CLEC2A: variants seen among roughly 807,000 people sequenced by gnomAD.
CLEC2A encodes keratinocyte-associated C-type lectin.
In CLEC2A, 19 loss-of-function variants were observed where a neutral mutation model predicts 18.6. The observed-to-expected ratio is 1.02, with a 90% CI of 0.71 to 1.50. CLEC2A has a LOEUF of 1.50. Among genes scored for constraint, CLEC2A ranks in the 40% most tolerant of loss-of-function variants. CLEC2A has a pLI of 0.00. For missense variants in CLEC2A, 190 were observed against 207.9 expected, an observed-to-expected ratio of 0.91 and a Z score of 0.53; for synonymous variants, 74 against 64.0, an observed-to-expected ratio of 1.16 and a Z score of -0.75.
chr12:9,927,107 G>A (rs1328631755), intron 1 of CLEC2A, among the ~76,000 whole-genome samples: 1 of 151,988 alleles, frequency 6.6e-6, no homozygotes, highest in Non-Finnish European at 1.5e-5. Context: ...TGTGCCTTTA[G>A]GTGATTGTGT....
chr12:9,884,972 A>G, the CLEC2A span: 2 of 1,340,398 alleles, frequency 1.5e-6, no homozygotes, highest in Non-Finnish European at 1.9e-6. Context: ...TCTTCTGCTC[A>G]TATTTGGATG....
intron 4 of CLEC2A, among the ~76,000 whole-genome samples, chr12:9,903,360 A>G (rs1323548098): frequency 1.3e-5 from 2 of 152,188 alleles, no homozygotes; most frequent in Admixed American, 6.5e-5. Context: ...ATATCCTACA[A>G]GAATAAGCAC....
rs185328173 is a variant in CLEC2A, at chr12:9,929,611, C to A, written c.55+2664G>T. Among the ~76,000 whole-genome samples the A allele has an allele frequency of 2.5e-3, 375 of 152,078 alleles. 3 individuals are homozygous for A. The highest frequency in any genetic ancestry group is 8.7e-3 in the African/African-American group (361 of 41,504). Reference sequence around the variant, plus strand: ...ATATCTAAGCATTCCTAACATAAATCCACTTGTATATGAATTTTTAACTGC... The same window carrying A: ...ATATCTAAGCATTCCTAACATAAATACACTTGTATATGAATTTTTAACTGC... On this transcript the variant is annotated intron_variant, in intron 1 of 4. Coordinates refer to ENST00000455827, the MANE Select transcript of CLEC2A (RefSeq NM_001130711.2).
the CLEC2A span, among the ~76,000 whole-genome samples, chr12:9,887,703 C>T: frequency 2.7e-5 from 4 of 149,790 alleles, no homozygotes; most frequent in Non-Finnish European, 4.4e-5. Flanking sequence ...GCTGAAGGAA[C>T]TTGATGATAT....
In CLEC2A at chr12:9,913,551, C is replaced by G; in HGVS notation, c.*15G>C. On this transcript the variant is annotated 3_prime_UTR_variant, in exon 5 of 5. Transcript: ENST00000455827. ...AATCTTGAAGTGTGATAATCATTTT[C>G]AAGTTTTTTCTGCTCTATAAAAAAT... 6.5e-7 allele frequency: 1 copy of G among 1,533,732 alleles called. No individual in the cohort carries two copies. Among genetic ancestry groups the G allele is most frequent in the Non-Finnish European group, 8.8e-7 (1 of 1,142,736 alleles).
the CLEC2A span, chr12:9,885,050 AT>A: frequency 1.0e-6 from 1 of 959,202 alleles, no homozygotes. Flanking sequence ...GTAAATTTTT[AT>A]TTATTTGAAC....
intron 4 of CLEC2A, among the ~76,000 whole-genome samples, chr12:9,905,477 C>T (rs184314444): frequency 1.5e-3 from 228 of 152,278 alleles, no homozygotes; most frequent in African/African-American, 5.4e-3. Flanking sequence ...TAGTTTCAAA[C>T]ATAGGAATAT....
intron 1 of CLEC2A, among the ~76,000 whole-genome samples, chr12:9,927,101 C>T (rs1050169711): frequency 1.3e-5 from 2 of 151,802 alleles, no homozygotes; most frequent in African/African-American, 4.8e-5. Context: ...GAGAAATGTG[C>T]CTTTAGGTGA....
chr12:9,904,243 C>CAG (rs1018265414), intron 4 of CLEC2A, among the ~76,000 whole-genome samples: 1 of 152,108 alleles, frequency 6.6e-6, no homozygotes, highest in Non-Finnish European at 1.5e-5. Context: ...TGGGGAATAG[C>CAG]AGAGAGAGAG....
At chr12:9,929,129 G>A (rs1395482791) in intron 1 of CLEC2A, among the ~76,000 whole-genome samples, 1 of 152,036 alleles carries the variant, frequency 6.6e-6, no homozygotes, top group Non-Finnish European at 1.5e-5. Flanking sequence ...TAACCCTCTT[G>A]AACTCTGGTA....
rs1242931536 is a variant in CLEC2A, at chr12:9,913,320, G to A, written c.*246C>T. 4.4e-6 allele frequency: 2 copies of A among 459,172 alleles called. No homozygotes were observed. Among genetic ancestry groups the A allele is most frequent in the Non-Finnish European group, 7.0e-6 (2 of 284,584 alleles). 28.4% of individuals were successfully genotyped at this position (459,172 alleles called of 1,614,324 possible). On this transcript the variant is annotated 3_prime_UTR_variant, in exon 5 of 5. Transcript: ENST00000455827. ...TAGGGGATGGAGCCATCCATCAGGA[G>A]GTGATTAGTTCATGAGGATGGAGCC...
intron 4 of CLEC2A, among the ~76,000 whole-genome samples, chr12:9,915,633 C>T (rs1863058567): frequency 6.6e-6 from 1 of 152,060 alleles, no homozygotes; most frequent in Admixed American, 6.6e-5. Context: ...TGTTCTCACT[C>T]ATAAGTGAGA....
chr12:9,904,234 G>A (rs554395963), intron 4 of CLEC2A, among the ~76,000 whole-genome samples: 1 of 152,280 alleles, frequency 6.6e-6, no homozygotes, highest in East Asian at 1.9e-4. Context: ...GCTGGACTTT[G>A]GGGAATAGCA....
intron 4 of CLEC2A, among the ~76,000 whole-genome samples, chr12:9,903,795 G>A (rs1862868756): frequency 6.6e-6 from 1 of 152,146 alleles, no homozygotes; most frequent in Admixed American, 6.5e-5. Context: ...CTCAAACCCA[G>A]CAATTATTTG....
At chr12:9,901,787 CAG>C (rs1245533320) in intron 4 of CLEC2A, among the ~76,000 whole-genome samples, 1 of 152,154 alleles carries the variant, frequency 6.6e-6, no homozygotes, top group Non-Finnish European at 1.5e-5. Context: ...AATGATGACT[CAG>C]AAATTTTAAA....
Position 9,913,511 on chromosome 12 carries a change from A to G in CLEC2A, c.*55T>C. On this transcript the variant is annotated 3_prime_UTR_variant, in exon 5 of 5. Coordinates refer to ENST00000455827, the MANE Select transcript of CLEC2A (RefSeq NM_001130711.2). Reference sequence around the variant, plus strand: ...TAAGTGAGAAAGCCACTTTTGCATAATTAGCTCTTCTTTCAATCTTGAAGT... The same window carrying G: ...TAAGTGAGAAAGCCACTTTTGCATAGTTAGCTCTTCTTTCAATCTTGAAGT... 6.6e-7 allele frequency: 1 copy of G among 1,514,212 alleles called. No individual in the cohort carries two copies. The highest frequency in any genetic ancestry group is 8.8e-7 in the Non-Finnish European group (1 of 1,135,804). The allele number at this position is 1,514,212 out of a possible 1,614,324, so 93.8% of individuals were successfully genotyped here.
downstream of CLEC2A, among the ~76,000 whole-genome samples, chr12:9,910,602 G>C (rs1488661790): frequency 6.6e-6 from 1 of 152,146 alleles, no homozygotes; most frequent in Non-Finnish European, 1.5e-5. Context: ...CAGCACAGTA[G>C]TAGTGCTCGT....
chr12:9,907,732 C>G (rs7972286), intron 4 of CLEC2A, among the ~76,000 whole-genome samples: 2 of 152,030 alleles, frequency 1.3e-5, no homozygotes, highest in African/African-American at 4.8e-5. Context: ...TAAATTTGGC[C>G]AAAAAGGCTA....
At chr12:9,921,872 G>A (rs1349088156) in intron 3 of CLEC2A, among the ~76,000 whole-genome samples, 194 bp downstream of exon 3, 3 of 152,130 alleles carry the variant, frequency 2.0e-5, no homozygotes, top group African/African-American at 7.2e-5. Flanking sequence ...GCTGAGGAGG[G>A]GGAAGAAGAG....
Sources: allele counts gnomAD v4.1 joint callset (sites outside exome capture counted in the v4.1 genomes callset), GRCh38; gene constraint gnomAD v4.1.1; transcripts MANE v1.5; gene names NCBI Gene and HGNC (gene_info 2026-07-23, HGNC 2026-07-21).